SAMD12: variants seen among roughly 807,000 people sequenced by gnomAD.
SAMD12 encodes the protein sterile alpha motif domain-containing protein 12.
SAMD12 carries 9 observed loss-of-function variants against 15.0 expected under a neutral mutation model. The observed-to-expected ratio is 0.60, with a 90% CI of 0.36 to 1.05. The LOEUF is 1.05. SAMD12 is among the 50% of genes least tolerant of loss of function. The pLI, the probability that SAMD12 is intolerant of heterozygous loss-of-function variation, is 0.01. For missense variants in SAMD12, 230 were observed against 234.2 expected, an observed-to-expected ratio of 0.98 and a Z score of 0.12; for synonymous variants, 86 against 90.1, an observed-to-expected ratio of 0.96 and a Z score of 0.25.
chr8:118,343,889 C>G (rs1817498145), intron 4 of SAMD12, among the ~76,000 whole-genome samples: 1 of 152,178 alleles, frequency 6.6e-6, no homozygotes, highest in South Asian at 2.1e-4. Context: ...CGTTAAGTTA[C>G]TTAACCTCTA....
chr8:118,278,401 ACT>A (rs1251643912), intron 4 of SAMD12, among the ~76,000 whole-genome samples: 27 of 152,078 alleles, frequency 1.8e-4, no homozygotes, highest in African/African-American at 6.3e-4. Context: ...TAAGAAAAAG[ACT>A]CTCTTTTCTT....
intron 4 of SAMD12, among the ~76,000 whole-genome samples, chr8:118,298,841 T>C (rs1005293063): frequency 3.3e-5 from 5 of 152,210 alleles, no homozygotes; most frequent in Non-Finnish European, 7.3e-5. Flanking sequence ...TGATATGTAA[T>C]AGAATATTGA....
intron 3 of SAMD12, among the ~76,000 whole-genome samples, chr8:118,403,260 T>C (rs1820958908): frequency 1.3e-5 from 2 of 152,208 alleles, no homozygotes; most frequent in African/African-American, 2.4e-5. Flanking sequence ...AACAAAAATA[T>C]GTCCTAACTT....
At chr8:118,550,223 T>C (rs1364956524) in intron 2 of SAMD12, among the ~76,000 whole-genome samples, 2 of 152,054 alleles carry the variant, frequency 1.3e-5, no homozygotes, top group East Asian at 3.9e-4. Flanking sequence ...AGACACATAA[T>C]TGTCAGATTC....
intron 1 of SAMD12, chr8:118,621,463 G>C: frequency 2.7e-6 from 1 of 369,896 alleles, no homozygotes; most frequent in Non-Finnish European, 5.0e-6. Flanking sequence ...TCCGGAGGGA[G>C]GGGGCAGGGA....
chr8:118,132,904 GTGGTGAGAGAATATTTATTC>G, the SAMD12 span, among the ~76,000 whole-genome samples: 1 of 144,676 alleles, frequency 6.9e-6, no homozygotes, highest in Non-Finnish European at 1.5e-5. Flanking sequence ...AATATTTATT[GTGGTGAGAGAATATTTATTC>G]TGGTGGTGAG....
chr8:118,487,405 C>T (rs995834403), intron 2 of SAMD12, among the ~76,000 whole-genome samples: 6 of 152,152 alleles, frequency 3.9e-5, no homozygotes, highest in African/African-American at 1.4e-4. Context: ...CCAGGCCACA[C>T]TGAACGTACA....
chr8:118,221,817 C>A (rs1420388811), intron 4 of SAMD12, among the ~76,000 whole-genome samples: 4 of 152,132 alleles, frequency 2.6e-5, no homozygotes, highest in Non-Finnish European at 4.4e-5. Context: ...TCAGAGTTGC[C>A]GTTTTTACAT....
chr8:118,389,850 T>G (rs1270906396), intron 3 of SAMD12, among the ~76,000 whole-genome samples: 2 of 152,216 alleles, frequency 1.3e-5, no homozygotes, highest in African/African-American at 4.8e-5. Context: ...TTAAGTTAGA[T>G]ACAAGTGAAA....
At chr8:118,170,740 T>C in the SAMD12 span, among the ~76,000 whole-genome samples, 1 of 152,104 alleles carries the variant, frequency 6.6e-6, no homozygotes, top group Non-Finnish European at 1.5e-5. Flanking sequence ...GAAGATAAAA[T>C]AAGAGTAAAC....
chr8:118,536,728 T>C (rs1052623341), intron 2 of SAMD12, among the ~76,000 whole-genome samples: 16 of 152,232 alleles, frequency 1.1e-4, no homozygotes, highest in Non-Finnish European at 1.9e-4. Context: ...CGTATTGTAC[T>C]ATGTATTGAA....
At chr8:118,197,393 GCA>G (rs1315413726) in exon 5 of SAMD12, 2 of 448,220 alleles carry the variant, frequency 4.5e-6, no homozygotes, top group African/African-American at 4.0e-5. Context: ...CTAGTGAAGG[GCA>G]CAGACAGCTC....
At chr8:118,555,203 T>C (rs1046237202) in intron 2 of SAMD12, among the ~76,000 whole-genome samples, 4 of 152,228 alleles carry the variant, frequency 2.6e-5, no homozygotes, top group African/African-American at 9.6e-5. Flanking sequence ...AATTATAAAT[T>C]AGTTTTTACA....
intron 2 of SAMD12, among the ~76,000 whole-genome samples, chr8:118,539,778 G>C (rs920045071): frequency 2.0e-5 from 3 of 152,126 alleles, no homozygotes; most frequent in African/African-American, 7.2e-5. Context: ...GCCATCCATG[G>C]GTGGCCATGT....
At chr8:118,443,300 C>A (rs563584068) in intron 2 of SAMD12, among the ~76,000 whole-genome samples, 1 of 152,092 alleles carries the variant, frequency 6.6e-6, no homozygotes, top group Non-Finnish European at 1.5e-5. Flanking sequence ...CCCATCTCTA[C>A]TAAAAATACA....
At chr8:118,544,548 G>T (rs757063350) in intron 2 of SAMD12, among the ~76,000 whole-genome samples, 1 of 152,104 alleles carries the variant, frequency 6.6e-6, no homozygotes, top group Non-Finnish European at 1.5e-5. Flanking sequence ...GAGTGTACAC[G>T]GTTGCTCCAG....
At chr8:118,582,711 C>T (rs1563596685) in intron 1 of SAMD12, among the ~76,000 whole-genome samples, 1 of 152,128 alleles carries the variant, frequency 6.6e-6, no homozygotes, top group African/African-American at 2.4e-5. Flanking sequence ...AAAGGGCATA[C>T]TATACTGGTG....
chr8:118,257,906 GCTTTC>G (rs1812989225), intron 4 of SAMD12, among the ~76,000 whole-genome samples: 1 of 152,084 alleles, frequency 6.6e-6, no homozygotes, highest in African/African-American at 2.4e-5. Context: ...TAAATAAAAT[GCTTTC>G]TCCTGACCTT....
intron 3 of SAMD12, among the ~76,000 whole-genome samples, chr8:118,414,958 T>C (rs1821606725): frequency 6.6e-6 from 1 of 152,340 alleles, no homozygotes; most frequent in Non-Finnish European, 1.5e-5. Context: ...CAAACTGATA[T>C]AATTTTTCAA....
Sources: gnomAD v4.1 joint callset for allele counts (sites outside exome capture counted in the v4.1 genomes callset) on GRCh38, gnomAD v4.1.1 for gene constraint, MANE v1.5 for transcripts, NCBI Gene and HGNC (gene_info 2026-07-23, HGNC 2026-07-21) for gene names.